Variants in OSBPL5 observed in about 807,000 individuals in gnomAD.
OSBPL5 encodes the protein oxysterol-binding protein-related protein 5.
A neutral mutation model predicts 111.2 loss-of-function variants in OSBPL5; 71 were observed. The ratio of observed to expected loss-of-function variants is 0.64; its 90% confidence interval spans 0.53 to 0.78. OSBPL5 has a LOEUF of 0.78. OSBPL5 is among the 30% of genes least tolerant of loss of function. OSBPL5 has a pLI of 0.00. For synonymous variants in OSBPL5, 549 were observed against 513.9 expected, an observed-to-expected ratio of 1.07 and a Z score of -0.93; for missense variants, 1,210 against 1,189.3, an observed-to-expected ratio of 1.02 and a Z score of -0.26.
chr11:3,131,994 C>G (rs1845825958), intron 1 of OSBPL5, among the ~76,000 whole-genome samples: 1 of 102,624 alleles, frequency 9.7e-6, no homozygotes, highest in Non-Finnish European at 2.0e-5. Flanking sequence ...TCCACCCACC[C>G]TCCCTCCCTT....
chr11:3,146,856 G>A lies in OSBPL5; in HGVS notation c.-21-17687C>T, dbSNP rs776302610. On this transcript the variant is annotated intron_variant, in intron 1 of 21. Transcript: ENST00000263650. The surrounding 1 kb of genome is among the most constrained non-coding windows in gnomAD (Gnocchi z 7.8). Reference sequence around the variant, plus strand: ...CCCCTTCGCCGTGGCTGGAGCTGGCGTTTCTATTTATGATTCGCCTCTCAC... The same window carrying A: ...CCCCTTCGCCGTGGCTGGAGCTGGCATTTCTATTTATGATTCGCCTCTCAC... 3.3e-5 allele frequency among the ~76,000 whole-genome samples: 5 copies of A among 152,172 alleles called. No homozygotes were observed. Among genetic ancestry groups the A allele is most frequent in the South Asian group, 4.1e-4 (2 of 4,828 alleles).
chr11:3,152,551 C>T (rs552270196), intron 1 of OSBPL5, among the ~76,000 whole-genome samples: 1 of 152,282 alleles, frequency 6.6e-6, no homozygotes, highest in African/African-American at 2.4e-5. Context: ...TTCCAGGGAT[C>T]CCATGTGGAA....
rs567167137 is a variant in OSBPL5 at position 3,130,971 on chromosome 11, G to C, written c.-21-1802C>G. Among the ~76,000 whole-genome samples, 2 of 152,280 alleles carry C rather than the reference G, an allele frequency of 1.3e-5. No individual in the cohort carries two copies. Among genetic ancestry groups the C allele is most frequent in the South Asian group, 4.1e-4 (2 of 4,828 alleles). On this transcript the variant is annotated intron_variant, in intron 1 of 21. Transcript: ENST00000263650. This position sits in a 1 kb window ranked among gnomAD's most constrained non-coding sequence, Gnocchi z 4.5. ...GGCACCAGGCAGCCAAGGTAAGTGAGCAGCGATCCTGCTCTCAGGACCCAC... is the reference window on the plus strand; with the variant it reads ...GGCACCAGGCAGCCAAGGTAAGTGACCAGCGATCCTGCTCTCAGGACCCAC...
At chr11:3,089,536 T>C (rs931356422) in intron 21 of OSBPL5, among the ~76,000 whole-genome samples, 1 of 152,206 alleles carries the variant, frequency 6.6e-6, no homozygotes, top group Non-Finnish European at 1.5e-5. Context: ...CCTCAAGGTC[T>C]CTCCTGGGGC....
Position 3,120,570 on chromosome 11 carries a change from C to A in OSBPL5, c.457G>T (p.Val153Leu), listed in dbSNP as rs567881413. ...TTGGGCGTCTTGTAGATGAGCAGCACCCCCGGCTTCAGCACGCACCACAGC... is the reference window on the plus strand; with the variant it reads ...TTGGGCGTCTTGTAGATGAGCAGCAACCCCGGCTTCAGCACGCACCACAGC... ...TKLWCVLKPG[V>L]LLIYKTPKVG... is the part of the protein sequence containing the mutation. The change falls in exon 6 of 22, where the codon GTG becomes TTG. Residue 153 changes from valine to leucine, a missense_variant. Physicochemically the swap from Val to Leu is conservative, Grantham distance 32. Coordinates refer to ENST00000263650, the MANE Select transcript of OSBPL5 (RefSeq NM_020896.4). 1.4e-4 allele frequency: 219 copies of A among 1,613,250 alleles called. No homozygotes were observed. Among genetic ancestry groups the A allele is most frequent in the South Asian group, 7.1e-4 (65 of 91,090 alleles).
intron 14 of OSBPL5, among the ~76,000 whole-genome samples, chr11:3,097,702 C>T (rs1332210326): frequency 2.0e-5 from 3 of 152,104 alleles, no homozygotes; most frequent in Non-Finnish European, 2.9e-5. Flanking sequence ...AACAACTGTG[C>T]TTATTACAAT....
At chr11:3,119,686 CAG>C in intron 6 of OSBPL5, 55 bp from the exon 7 acceptor site, 1 of 1,520,458 alleles carries the variant, frequency 6.6e-7, no homozygotes, top group Non-Finnish European at 8.9e-7. Flanking sequence ...GCCAGCTGCA[CAG>C]ATAGGTCAGG....
chr11:3,146,219 C>T lies in OSBPL5; in HGVS notation c.-21-17050G>A, dbSNP rs147396958. 794 of 152,404 alleles carry T rather than the reference C, an allele frequency of 5.2e-3. 3 individuals carry two copies. Among genetic ancestry groups the T allele is most frequent in the Middle Eastern group, 0.034 (10 of 296 alleles). The allele number at this position is 152,404 out of a possible 1,614,324, so 9.4% of individuals were successfully genotyped here. ...GGCGGGCAGACCAGCGAGACAGACA[C>T]ACTGCCCTTATGAGCTGCGCCCCCA... On this transcript the variant is annotated intron_variant, in intron 1 of 21. Transcript: ENST00000263650. This position sits in a 1 kb window ranked among gnomAD's most constrained non-coding sequence, Gnocchi z 7.8.
intron 7 of OSBPL5, among the ~76,000 whole-genome samples, chr11:3,112,042 C>T (rs866226294): frequency 0.18 from 14,086 of 80,488 alleles, 840 homozygotes; most frequent in African/African-American, 0.29. Flanking sequence ...TGTATGTGTG[C>T]GCGCATGTGT....
At position 3,095,678 on chromosome 11, in the gene OSBPL5, G is replaced by GA. The variant is rs1419416561; in HGVS notation, c.1622-1345_1622-1344insT. Among the ~76,000 whole-genome samples, 17 of 148,178 alleles carry GA rather than the reference G, an allele frequency of 1.1e-4. No individual in the cohort carries two copies. The South Asian group carries it at 3.8e-3, about 33-fold the overall frequency. On this transcript the variant is annotated intron_variant, in intron 14 of 21. Coordinates refer to ENST00000263650, the MANE Select transcript of OSBPL5 (RefSeq NM_020896.4). ...CGCCAGTCACCTTTGGAAGACAGCA[G>GA]GGGAAAAAAATCATTATTTTGAAAA...
At chr11:3,098,495 ATTTTTTTTTTT>A (rs552382553) in intron 14 of OSBPL5, among the ~76,000 whole-genome samples, 6 of 81,202 alleles carry the variant, frequency 7.4e-5, no homozygotes, top group East Asian at 2.8e-4. Flanking sequence ...ACATGAAGGA[ATTTTTTTTTTT>A]TTTTTTTTTT....
rs767837222 is a variant in OSBPL5, at chr11:3,092,557, G to A, written c.2134C>T (p.His712Tyr). 23 of 1,588,518 alleles carry A rather than the reference G, an allele frequency of 1.4e-5. No individual in the cohort carries two copies. The highest frequency in any genetic ancestry group is 1.9e-5 in the Non-Finnish European group (22 of 1,167,556). Residue 712 changes from histidine (H) to tyrosine (Y), a missense_variant and splice_region_variant, in exon 19 of 22, where the codon CAC becomes TAC. His to Tyr is a moderately conservative substitution (Grantham distance 83, BLOSUM62 2). Transcript: ENST00000263650. This position sits in a 1 kb window ranked among gnomAD's most constrained non-coding sequence, Gnocchi z 5.4. ...TQEWHYRYED[H>Y]SPWDPLKDIA... ...TCCTTCAGGGGGTCCCAGGGGCTGT[G>A]GCTGGAGGGTCCAGAGGGCGTTCAT...
chr11:3,143,617 T>C (rs1282177157), intron 1 of OSBPL5, among the ~76,000 whole-genome samples: 1 of 152,250 alleles, frequency 6.6e-6, no homozygotes, highest in East Asian at 1.9e-4. Flanking sequence ...GGCCACATCT[T>C]GTCCGCTTCC....
chr11:3,131,709 T>TCCATCCTCCCATCCAC, intron 1 of OSBPL5, among the ~76,000 whole-genome samples: 1 of 133,992 alleles, frequency 7.5e-6, no homozygotes, highest in Admixed American at 7.2e-5. Flanking sequence ...TATCCATCCA[T>TCCATCCTCCCATCCAC]CCATCCATCC....
At chr11:3,101,488 T>G in intron 13 of OSBPL5, 115 bp downstream of exon 13, 2 of 952,002 alleles carry the variant, frequency 2.1e-6, no homozygotes, top group Non-Finnish European at 3.2e-6. Context: ...CTAGGAGGGG[T>G]TGGGAGGGAC....
At chr11:3,103,461 C>T (rs1857527219) in intron 10 of OSBPL5, 141 bp from the exon 11 acceptor site, 3 of 679,462 alleles carry the variant, frequency 4.4e-6, no homozygotes, top group African/African-American at 1.8e-5. Flanking sequence ...CTCTGGTCAC[C>T]CCCAAGCAGG....
rs900407387 is a variant in OSBPL5 at position 3,161,675 on chromosome 11, T to A, written c.-22+3541A>T. ...TGCCACGCACCAGCGGCGCCCACCA[T>A]GAACCTGGCTTGGCCCAATCGCTTT... On this transcript the variant is annotated intron_variant, in intron 1 of 21. Coordinates refer to ENST00000263650, the MANE Select transcript of OSBPL5 (RefSeq NM_020896.4). This position sits in a 1 kb window ranked among gnomAD's most constrained non-coding sequence, Gnocchi z 8.0. Among the ~76,000 whole-genome samples the A allele has an allele frequency of 6.6e-6, 1 of 150,822 alleles. No homozygotes were observed. Among genetic ancestry groups the A allele is most frequent in the Non-Finnish European group, 1.5e-5 (1 of 67,554 alleles).
rs998480035 is a variant in OSBPL5, at chr11:3,154,819, G to A, written c.-22+10397C>T. Among the ~76,000 whole-genome samples, 2 of 152,104 alleles carry A rather than the reference G, an allele frequency of 1.3e-5. No individual in the cohort carries two copies. The highest frequency in any genetic ancestry group is 1.3e-4 in the Admixed American group (2 of 15,274). ...AGCCCCCTATATACCTAATGTAAATGACGAGTTAATGGGTGCGGCACACCA... is the reference window on the plus strand; with the variant it reads ...AGCCCCCTATATACCTAATGTAAATAACGAGTTAATGGGTGCGGCACACCA... On this transcript the variant is annotated intron_variant, in intron 1 of 21. Transcript: ENST00000263650. This position sits in a 1 kb window ranked among gnomAD's most constrained non-coding sequence, Gnocchi z 4.9.
rs143876464 is a variant in OSBPL5, at chr11:3,087,284, A to T, written c.*921T>A. The T allele has an allele frequency of 3.8e-3, 583 of 153,640 alleles. 6 individuals are homozygous for T. The highest frequency in any genetic ancestry group is 0.013 in the African/African-American group (559 of 41,594). 9.5% of individuals were successfully genotyped at this position (153,640 alleles called of 1,614,324 possible). ...GGTTTAAGGCTCTGTACGTATATAT[A>T]TGTGTAGAGGCTCACACACGCGCAC... On this transcript the variant is annotated 3_prime_UTR_variant, in exon 22 of 22. Transcript: ENST00000263650.
Sources: gnomAD v4.1 joint callset for allele counts (sites outside exome capture counted in the v4.1 genomes callset) on GRCh38, gnomAD v4.1.1 for gene constraint, Gnocchi (gnomAD v3.1) non-coding constraint, MANE v1.5 for transcripts, NCBI Gene and HGNC (gene_info 2026-07-23, HGNC 2026-07-21) for gene names.